DAB2IP: variants seen among roughly 807,000 people sequenced by gnomAD.
DAB2IP encodes DAB2 interacting protein, also known as disabled homolog 2-interacting protein.
In DAB2IP, 28 loss-of-function variants were observed where a neutral mutation model predicts 107.2. That is an observed-to-expected ratio of 0.26 (90% CI 0.19 to 0.36). The LOEUF (loss-of-function observed/expected upper bound fraction) is 0.36. Among genes scored for constraint, DAB2IP ranks in the 10% least tolerant of loss-of-function variants. The pLI, the probability that DAB2IP is intolerant of heterozygous loss-of-function variation, is 1.00. For synonymous variants in DAB2IP, 755 were observed against 706.4 expected (o/e 1.07, Z -1.09); for missense variants, 1,400 against 1,644.7 (o/e 0.85, Z 2.57).
At chr9:121,741,495 C>A (rs1832341212) in intron 3 of DAB2IP, among the ~76,000 whole-genome samples, 1 of 152,120 alleles carries the variant, frequency 6.6e-6, no homozygotes, top group Admixed American at 6.5e-5. Context: ...AGCAGACTTG[C>A]TTAGTCTGGG....
chr9:121,774,094 C>G (rs992081821), intron 12 of DAB2IP, among the ~76,000 whole-genome samples, 166 bp from the exon 13 acceptor site: 1 of 152,184 alleles, frequency 6.6e-6, no homozygotes, highest in Non-Finnish European at 1.5e-5. Flanking sequence ...GTCTGAGAGA[C>G]AGTTCCCGGG....
chr9:121,685,573 G>A (rs1233223808), intron 2 of DAB2IP, among the ~76,000 whole-genome samples: 1 of 152,258 alleles, frequency 6.6e-6, no homozygotes, highest in Non-Finnish European at 1.5e-5. Context: ...CAGCTGGTGG[G>A]TGGTAGGGGC....
chr9:121,639,836 C>T (rs1213782464), intron 1 of DAB2IP, among the ~76,000 whole-genome samples: 5 of 152,128 alleles, frequency 3.3e-5, no homozygotes, highest in Admixed American at 1.3e-4. Context: ...GTGCGGCCCA[C>T]GGATGACCTG....
At chr9:121,781,391 G>A in intron 14 of DAB2IP, 73 bp from the exon 15 acceptor site, 1 of 1,443,010 alleles carries the variant, frequency 6.9e-7, no homozygotes, top group Non-Finnish European at 9.7e-7. Context: ...CGGGGGTGAT[G>A]GGCTTGTTCT....
rs145747187 is a variant in DAB2IP at position 121,739,218 on chromosome 9, G to A, written c.363-17795G>A. ...GATGCCAGAAGCCTGCCAGTTTGCT[G>A]TTAGAGTGTGCTGGAGCAAGAACTC... On this transcript the variant is annotated intron_variant, in intron 3 of 15. Transcript: ENST00000408936. Among the ~76,000 whole-genome samples, 562 of 152,364 alleles carry A rather than the reference G, an allele frequency of 3.7e-3. 8 individuals carry two copies. Among genetic ancestry groups the A allele is most frequent in the Non-Finnish European group, 2.9e-3 (196 of 68,038 alleles).
intron 2 of DAB2IP, among the ~76,000 whole-genome samples, chr9:121,691,644 A>G (rs910833882): frequency 2.0e-5 from 3 of 152,222 alleles, no homozygotes; most frequent in Non-Finnish European, 4.4e-5. Context: ...AATCTTCACA[A>G]CTACCTCGTC....
chr9:121,778,710 C>T (rs897328751), intron 14 of DAB2IP, among the ~76,000 whole-genome samples: 3 of 152,170 alleles, frequency 2.0e-5, no homozygotes, highest in African/African-American at 4.8e-5. Flanking sequence ...TGCAACTGTT[C>T]AGCTCTGCTG....
intron 3 of DAB2IP, among the ~76,000 whole-genome samples, chr9:121,719,824 C>G (rs1468023698): frequency 5.9e-5 from 9 of 152,174 alleles, no homozygotes. Flanking sequence ...ATGTGAACCA[C>G]CAGCAACATG....
chr9:121,670,641 T>C (rs956306538), intron 1 of DAB2IP, among the ~76,000 whole-genome samples: 4 of 152,238 alleles, frequency 2.6e-5, no homozygotes, highest in African/African-American at 9.6e-5. Context: ...GGAGTTCCTC[T>C]CAGGCTTAGA....
intron 1 of DAB2IP, among the ~76,000 whole-genome samples, chr9:121,572,334 C>G (rs577549196): frequency 6.6e-6 from 1 of 152,112 alleles, no homozygotes; most frequent in East Asian, 1.9e-4. Flanking sequence ...TTGTCTGCCA[C>G]TGGGTTCCCA....
chr9:121,660,642 G>A (rs776496829), intron 1 of DAB2IP, among the ~76,000 whole-genome samples: 3 of 152,140 alleles, frequency 2.0e-5, no homozygotes, highest in East Asian at 1.9e-4. Flanking sequence ...CCTGGCCTGC[G>A]GTGAAATGAG....
intron 1 of DAB2IP, among the ~76,000 whole-genome samples, chr9:121,577,886 G>A (rs1306297903): frequency 1.3e-5 from 2 of 152,150 alleles, no homozygotes; most frequent in Non-Finnish European, 2.9e-5. Flanking sequence ...AGGCCCTGCA[G>A]CCTGAGGTCA....
At chr9:121,783,413 T>A (rs757526657) in exon 16 of DAB2IP, 16 of 1,596,346 alleles carry the variant, frequency 1.0e-5, no homozygotes, top group Non-Finnish European at 1.4e-5. Flanking sequence ...CTGTAGGGAG[T>A]GCCACCTGGT....
At chr9:121,678,627 G>A (rs1828401427) in intron 1 of DAB2IP, 51 bp from the exon 2 acceptor site, 1 of 1,407,170 alleles carries the variant, frequency 7.1e-7, no homozygotes, top group Non-Finnish European at 9.4e-7. Context: ...GGCCCTAGCT[G>A]TGTGGCCTTG....
intron 13 of DAB2IP, 32 bp downstream of exon 13, chr9:121,774,444 G>A (rs1295537641): frequency 6.4e-7 from 1 of 1,565,294 alleles, no homozygotes; most frequent in Non-Finnish European, 8.6e-7. Context: ...TCGGGACAGG[G>A]CGGGGCTGCC....
At chr9:121,682,993 A>G (rs1395499668) in intron 2 of DAB2IP, among the ~76,000 whole-genome samples, 1 of 152,062 alleles carries the variant, frequency 6.6e-6, no homozygotes, top group Non-Finnish European at 1.5e-5. Flanking sequence ...ATGACCAGAG[A>G]GGCTTCCTGT....
intron 1 of DAB2IP, among the ~76,000 whole-genome samples, chr9:121,606,919 T>C (rs1830900797): frequency 6.6e-6 from 1 of 151,906 alleles, no homozygotes; most frequent in Admixed American, 6.6e-5. Flanking sequence ...GGACTACAGG[T>C]GCATGCCACC....
At chr9:121,682,320 C>T (rs1828641377) in intron 2 of DAB2IP, among the ~76,000 whole-genome samples, 1 of 152,252 alleles carries the variant, frequency 6.6e-6, no homozygotes, top group African/African-American at 2.4e-5. Context: ...CTGCCACCTT[C>T]ACTGCCATTT....
intron 1 of DAB2IP, among the ~76,000 whole-genome samples, chr9:121,572,073 G>A (rs549051967): frequency 2.6e-5 from 4 of 152,260 alleles, no homozygotes; most frequent in Admixed American, 1.3e-4. Context: ...CTTTCCGTCT[G>A]CCTTGTGATT....
Sources: allele counts gnomAD v4.1 joint callset (sites outside exome capture counted in the v4.1 genomes callset), GRCh38; gene constraint gnomAD v4.1.1; transcripts MANE v1.5; gene names NCBI Gene and HGNC (gene_info 2026-07-23, HGNC 2026-07-21).